The following ZNF385B variants were observed in gnomAD, a reference collection of about 807,000 sequenced individuals.
ZNF385B encodes zinc finger protein 385B.
A neutral mutation model predicts 39.2 loss-of-function variants in ZNF385B; 23 were observed. The ratio of observed to expected loss-of-function variants is 0.59; its 90% CI spans 0.42 to 0.83. ZNF385B has a LOEUF of 0.83. Ranked by LOEUF, ZNF385B falls within the 40% of genes least tolerant of loss-of-function variation. ZNF385B has a pLI of 0.00. For synonymous variants in ZNF385B, 205 were observed against 222.6 expected, an observed-to-expected ratio of 0.92 and a Z score of 0.70; for missense variants, 552 against 598.9, an observed-to-expected ratio of 0.92 and a Z score of 0.82.
At chr2:179,670,342 T>C (rs986470082) in intron 3 of ZNF385B, among the ~76,000 whole-genome samples, 4 of 150,386 alleles carry the variant, frequency 2.7e-5, no homozygotes, top group African/African-American at 7.4e-5. Flanking sequence ...CCATTGCCAA[T>C]TGACAGCTAA....
intron 1 of ZNF385B, chr2:179,814,195 C>A: frequency 5.8e-6 from 1 of 172,418 alleles, no homozygotes; most frequent in Non-Finnish European, 1.2e-5. Context: ...CTGTGCTTCT[C>A]ACGCAGGGCC....
chr2:179,616,815 C>G (rs1297669472), intron 3 of ZNF385B, among the ~76,000 whole-genome samples: 1 of 152,134 alleles, frequency 6.6e-6, no homozygotes, highest in Non-Finnish European at 1.5e-5. Context: ...CCTGCCTTAG[C>G]CTCCCAAAAT....
Position 179,531,658 on chromosome 2 carries a change from T to C in ZNF385B, c.442-13020A>G, listed in dbSNP as rs532611126. Among the ~76,000 whole-genome samples, 168 of 152,080 alleles carry C rather than the reference T, an allele frequency of 1.1e-3. 1 individual carries two copies. The highest frequency in any genetic ancestry group is 2.1e-3 in the Admixed American group (32 of 15,264). ...TCAAAAATAAATAAATAAATAGAAA[T>C]ATATAAATAAATATCCTTTTTAACT... On this transcript the variant is annotated intron_variant, in intron 4 of 9. Transcript: ENST00000410066.
intron 6 of ZNF385B, among the ~76,000 whole-genome samples, chr2:179,456,305 A>G (rs62177198): frequency 0.047 from 7,107 of 152,176 alleles, 242 homozygotes; most frequent in Middle Eastern, 0.11. Context: ...ACAAATGAAT[A>G]CTCTTAGGAG....
rs16866770 is a variant in ZNF385B at position 179,538,198 on chromosome 2, A to C, written c.441+6629T>G. ...GGAATACATAATTTTTAATGACAGC[A>C]AGCACTATTAGAGTGACGAAGACTC... On this transcript the variant is annotated intron_variant, in intron 4 of 9. Transcript: ENST00000410066. Among the ~76,000 whole-genome samples the C allele has an allele frequency of 5.9e-4, 90 of 152,310 alleles. No homozygotes were observed. In the East Asian group the frequency reaches 0.017, roughly 28 times the overall value.
chr2:179,842,798 T>C (rs138006970), intron 1 of ZNF385B, among the ~76,000 whole-genome samples: 3,330 of 152,270 alleles, frequency 0.022, 58 homozygotes, highest in Non-Finnish European at 0.035. Flanking sequence ...CTATTTCATC[T>C]GCTTAAAATA....
intron 6 of ZNF385B, among the ~76,000 whole-genome samples, chr2:179,481,348 G>A (rs1057405364): frequency 3.3e-5 from 5 of 150,890 alleles, no homozygotes; most frequent in African/African-American, 4.9e-5. Flanking sequence ...TTCTATTTCC[G>A]TATTGCTCTT....
chr2:179,467,691 T>TAGGATTTA (rs2105503119), intron 6 of ZNF385B, among the ~76,000 whole-genome samples: 1 of 152,308 alleles, frequency 6.6e-6, no homozygotes, highest in African/African-American at 2.4e-5. Context: ...TGCTAAATCC[T>TAGGATTTA]AATTAGCTAC....
chr2:179,463,625 T>A (rs373007747), intron 6 of ZNF385B, among the ~76,000 whole-genome samples: 1 of 152,194 alleles, frequency 6.6e-6, no homozygotes, highest in Non-Finnish European at 1.5e-5. Flanking sequence ...GTTCTTGTGA[T>A]AGTTTGCTGA....
At chr2:179,459,678 T>A (rs2051097703) in intron 6 of ZNF385B, among the ~76,000 whole-genome samples, 1 of 151,362 alleles carries the variant, frequency 6.6e-6, no homozygotes, top group African/African-American at 2.4e-5. Context: ...AATCTTAATT[T>A]ATAAGTCTAT....
chr2:179,797,284 G>A (rs1398959233), intron 1 of ZNF385B, among the ~76,000 whole-genome samples: 2 of 151,934 alleles, frequency 1.3e-5, no homozygotes, highest in Non-Finnish European at 2.9e-5. Context: ...TCCCTGCCAC[G>A]TCTCCTCTCT....
At chr2:179,646,308 A>G (rs556859648) in intron 3 of ZNF385B, among the ~76,000 whole-genome samples, 48 of 152,240 alleles carry the variant, frequency 3.2e-4, no homozygotes, top group African/African-American at 1.2e-3. Flanking sequence ...CCAGCTACTC[A>G]GCAGGCTGAG....
intron 3 of ZNF385B, among the ~76,000 whole-genome samples, chr2:179,628,560 T>C (rs1690886769): frequency 6.6e-6 from 1 of 152,236 alleles, no homozygotes; most frequent in Non-Finnish European, 1.5e-5. Context: ...TACTTCTATA[T>C]CACATCAGAA....
intron 3 of ZNF385B, among the ~76,000 whole-genome samples, chr2:179,757,785 T>C (rs1203441308): frequency 6.6e-6 from 1 of 152,184 alleles, no homozygotes; most frequent in Non-Finnish European, 1.5e-5. Context: ...AATCTCCTGG[T>C]GTGCCGTTTG....
intron 3 of ZNF385B, among the ~76,000 whole-genome samples, chr2:179,667,561 G>A (rs115446729): frequency 1.9e-3 from 282 of 152,182 alleles, no homozygotes; most frequent in Admixed American, 6.9e-3. Context: ...CACTGATTTC[G>A]GGGCAGCTAA....
intron 4 of ZNF385B, among the ~76,000 whole-genome samples, chr2:179,534,207 A>G (rs533411870): frequency 4.6e-4 from 70 of 152,342 alleles, no homozygotes; most frequent in African/African-American, 1.7e-3. Flanking sequence ...AGCCATATAT[A>G]TATCTTTAGC....
chr2:179,723,562 A>G lies in ZNF385B; in HGVS notation c.298+45941T>C, dbSNP rs115128026. Among the ~76,000 whole-genome samples, 1,333 of 152,296 alleles carry G rather than the reference A, an allele frequency of 8.8e-3. 21 individuals are homozygous for G. Among genetic ancestry groups the G allele is most frequent in the African/African-American group, 0.03 (1,261 of 41,560 alleles). ...AAAAAGTATGAATCTTAAAAATTAT[A>G]TTATGGATGAGTATGTGACAGTAGG... On this transcript the variant is annotated intron_variant, in intron 3 of 9. Transcript: ENST00000410066.
chr2:179,625,864 G>A (rs1690617173), intron 3 of ZNF385B, among the ~76,000 whole-genome samples: 1 of 151,996 alleles, frequency 6.6e-6, no homozygotes, highest in Admixed American at 6.6e-5. Context: ...GACACAAGAT[G>A]CATCTTCACA....
At chr2:179,565,875 T>C (rs1437627061) in intron 3 of ZNF385B, among the ~76,000 whole-genome samples, 1 of 152,232 alleles carries the variant, frequency 6.6e-6, no homozygotes, top group Non-Finnish European at 1.5e-5. Context: ...CTTAAGACTG[T>C]TGATAACCTG....
Sources: gnomAD v4.1 joint callset for allele counts (sites outside exome capture counted in the v4.1 genomes callset) on GRCh38, gnomAD v4.1.1 for gene constraint, MANE v1.5 for transcripts, NCBI Gene and HGNC (gene_info 2026-07-23, HGNC 2026-07-21) for gene names.